Variants in GRID1 observed in about 807,000 individuals in gnomAD.
The protein encoded by GRID1 is glutamate ionotropic receptor delta type subunit 1, also known as glutamate receptor ionotropic, delta-1.
GRID1 carries 28 observed loss-of-function variants against 98.0 expected under a neutral mutation model. The observed-to-expected ratio is 0.29, with a 90% CI of 0.21 to 0.39. The LOEUF is 0.39. Ranked by LOEUF, GRID1 falls within the 10% of genes least tolerant of loss-of-function variation. The pLI is 1.00. For synonymous variants in GRID1, 553 were observed against 538.5 expected (o/e 1.03, Z -0.37); for missense variants, 1,111 against 1,340.5 (o/e 0.83, Z 2.67).
intron 12 of GRID1, among the ~76,000 whole-genome samples, chr10:85,676,503 C>G (rs1841146783): frequency 6.6e-6 from 1 of 152,198 alleles, no homozygotes; most frequent in African/African-American, 2.4e-5. Flanking sequence ...TCCCCCTCCA[C>G]CCAAGAAACC....
intron 2 of GRID1, among the ~76,000 whole-genome samples, chr10:86,347,026 A>G (rs1365248069): frequency 2.0e-5 from 3 of 152,114 alleles, no homozygotes; most frequent in Admixed American, 6.5e-5. Context: ...GGGCTGGCAC[A>G]TGTCCCTTAC....
At chr10:86,265,501 G>T (rs1295377845) in intron 2 of GRID1, among the ~76,000 whole-genome samples, 1 of 152,226 alleles carries the variant, frequency 6.6e-6, no homozygotes, top group Non-Finnish European at 1.5e-5. Context: ...GGCCCAGCGT[G>T]GATTTGAATC....
At chr10:86,260,750 G>A (rs879712015) in intron 2 of GRID1, among the ~76,000 whole-genome samples, 4 of 152,160 alleles carry the variant, frequency 2.6e-5, no homozygotes, top group African/African-American at 4.8e-5. Flanking sequence ...TAACAGACAC[G>A]GACAGTGATG....
chr10:86,220,318 ACCGAACTAC>A, intron 2 of GRID1, among the ~76,000 whole-genome samples: 1 of 152,232 alleles, frequency 6.6e-6, no homozygotes, highest in Non-Finnish European at 1.5e-5. Context: ...AGGTTCTGGC[ACCGAACTAC>A]CCGGACTCGA....
chr10:85,766,262 G>A (rs1842196938), intron 8 of GRID1, among the ~76,000 whole-genome samples: 3 of 152,222 alleles, frequency 2.0e-5, no homozygotes, highest in Non-Finnish European at 4.4e-5. Flanking sequence ...GAGGCGTGAG[G>A]ACTGCATAAG....
intron 2 of GRID1, among the ~76,000 whole-genome samples, chr10:86,320,267 G>A (rs1847951689): frequency 6.6e-6 from 1 of 152,182 alleles, no homozygotes; most frequent in Admixed American, 6.5e-5. Context: ...GAATGAAGAG[G>A]GACACCCAGG....
chr10:86,002,571 C>T lies in GRID1; in HGVS notation c.727-86332G>A, dbSNP rs139378781. ...TTTCACAAAATTATTACAGTGGTTACTGGGCCTGGGAGGAGTATAAACAAA... is the reference window on the plus strand; with the variant it reads ...TTTCACAAAATTATTACAGTGGTTATTGGGCCTGGGAGGAGTATAAACAAA... On this transcript the variant is annotated intron_variant, in intron 4 of 15. Transcript: ENST00000327946. Among the ~76,000 whole-genome samples the T allele has an allele frequency of 2.0e-3, 300 of 152,296 alleles. 1 individual carries two copies. Among genetic ancestry groups the T allele is most frequent in the African/African-American group, 7.0e-3 (290 of 41,558 alleles).
At chr10:85,733,251 T>C (rs1428331640) in intron 8 of GRID1, among the ~76,000 whole-genome samples, 1 of 152,170 alleles carries the variant, frequency 6.6e-6, no homozygotes, top group African/African-American at 2.4e-5. Flanking sequence ...AGCTGTGGCA[T>C]TGGGGTTTCT....
At chr10:85,803,864 A>G (rs149936051) in intron 8 of GRID1, among the ~76,000 whole-genome samples, 1,901 of 152,104 alleles carry the variant, frequency 0.012, 46 homozygotes, top group African/African-American at 0.043. Context: ...ATGCACACTC[A>G]AATAGCAAAG....
chr10:85,987,038 C>G (rs1842616253), intron 4 of GRID1, among the ~76,000 whole-genome samples: 1 of 151,868 alleles, frequency 6.6e-6, no homozygotes, highest in African/African-American at 2.4e-5. Context: ...CCCTAACCAG[C>G]TCCTCCCCAT....
chr10:86,365,990 C>T lies in GRID1; in HGVS notation c.79+324G>A, dbSNP rs1029500859. ...GCTGCTCTGAGCTGCGCAGAAGGGC[C>T]CTCCCGACCCGCCGACGGCCCCGCT... On this transcript the variant is annotated intron_variant, in intron 1 of 15. Transcript: ENST00000327946. This position sits in a 1 kb window ranked among gnomAD's most constrained non-coding sequence, Gnocchi z 4.8. Among the ~76,000 whole-genome samples, 3 of 152,126 alleles carry T rather than the reference C, an allele frequency of 2.0e-5. No homozygotes were observed. The highest frequency in any genetic ancestry group is 7.2e-5 in the African/African-American group (3 of 41,442).
intron 4 of GRID1, among the ~76,000 whole-genome samples, chr10:85,996,840 A>AC (rs1246966536): frequency 4.6e-5 from 7 of 151,526 alleles, no homozygotes; most frequent in Non-Finnish European, 8.8e-5. Context: ...AAAAAAAAAA[A>AC]AAAGAAAGAA....
At chr10:85,621,029 C>T (rs890977228) in intron 13 of GRID1, among the ~76,000 whole-genome samples, 11 of 152,204 alleles carry the variant, frequency 7.2e-5, no homozygotes, top group Non-Finnish European at 1.5e-5. Context: ...CAGAGGTTCT[C>T]TTCTATCCTG....
intron 2 of GRID1, among the ~76,000 whole-genome samples, chr10:86,228,321 G>C (rs1019445146): frequency 1.1e-4 from 17 of 149,108 alleles, no homozygotes; most frequent in Middle Eastern, 3.5e-3. Context: ...GGTGGGTGGG[G>C]TGAATGGGAG....
chr10:86,312,019 C>T (rs553183616), intron 2 of GRID1, among the ~76,000 whole-genome samples: 1 of 152,326 alleles, frequency 6.6e-6, no homozygotes, highest in East Asian at 1.9e-4. Context: ...GGGGGCTGGC[C>T]TTTGTTTCCC....
intron 3 of GRID1, among the ~76,000 whole-genome samples, chr10:86,171,085 T>C (rs575566750): frequency 2.0e-5 from 3 of 152,174 alleles, no homozygotes; most frequent in African/African-American, 2.4e-5. Flanking sequence ...CTCTACCCTA[T>C]ACCAGTTACA....
intron 12 of GRID1, among the ~76,000 whole-genome samples, chr10:85,677,250 G>C (rs768820330): frequency 1.3e-5 from 2 of 152,176 alleles, no homozygotes; most frequent in African/African-American, 4.8e-5. Context: ...TTTTAATTAA[G>C]ACCAGGGTCT....
intron 8 of GRID1, among the ~76,000 whole-genome samples, chr10:85,739,778 G>A (rs993354781): frequency 5.9e-5 from 9 of 152,062 alleles, no homozygotes; most frequent in Non-Finnish European, 1.3e-4. Context: ...ATAGCTCCAT[G>A]GTGTGTGGGG....
At chr10:85,991,690 G>A (rs1842682095) in intron 4 of GRID1, among the ~76,000 whole-genome samples, 1 of 152,180 alleles carries the variant, frequency 6.6e-6, no homozygotes, top group Non-Finnish European at 1.5e-5. Context: ...CAAGGAAGAG[G>A]GGAAAGAGCA....
Sources: gnomAD v4.1 joint callset for allele counts (sites outside exome capture counted in the v4.1 genomes callset) on GRCh38, gnomAD v4.1.1 for gene constraint, Gnocchi (gnomAD v3.1) non-coding constraint, MANE v1.5 for transcripts, NCBI Gene and HGNC (gene_info 2026-07-23, HGNC 2026-07-21) for gene names.